FER: variants seen among roughly 807,000 people sequenced by gnomAD.
FER encodes FER tyrosine kinase, also known as tyrosine-protein kinase Fer.
In FER, 63 loss-of-function variants were observed where a neutral mutation model predicts 111.0. The ratio of observed to expected loss-of-function variants is 0.57; its 90% CI spans 0.46 to 0.70. FER has a LOEUF of 0.70. Ranked by LOEUF, FER falls within the 30% of genes least tolerant of loss-of-function variation. The pLI, the probability that FER is intolerant of heterozygous loss-of-function variation, is 0.00. For missense variants in FER, 914 were observed against 954.0 expected, an observed-to-expected ratio of 0.96 and a Z score of 0.55; for synonymous variants, 327 against 313.9, an observed-to-expected ratio of 1.04 and a Z score of -0.44.
chr5:109,140,443 TATG>T (rs1402694455), intron 17 of FER, among the ~76,000 whole-genome samples: 1 of 152,150 alleles, frequency 6.6e-6, no homozygotes, highest in Non-Finnish European at 1.5e-5. Context: ...TTTGTAAGAG[TATG>T]ATCAGTGGTG....
At chr5:109,102,405 T>G (rs542193980) in intron 17 of FER, among the ~76,000 whole-genome samples, 26 of 152,180 alleles carry the variant, frequency 1.7e-4, no homozygotes, top group African/African-American at 6.3e-4. Context: ...CAACTTTTAG[T>G]GAATGGTAGT....
chr5:108,933,330 A>G (rs1325320807), intron 10 of FER, among the ~76,000 whole-genome samples: 2 of 151,968 alleles, frequency 1.3e-5, no homozygotes, highest in Non-Finnish European at 2.9e-5. Flanking sequence ...AGTTTTCCCA[A>G]CACTGTTTAT....
chr5:109,051,715 G>A (rs570190184), intron 16 of FER: 147 of 1,565,676 alleles, frequency 9.4e-5, no homozygotes, highest in South Asian at 3.7e-4. Context: ...GCCAGTGGTC[G>A]CATGGTAAGG....
At chr5:108,893,413 AT>A (rs949924786) in intron 9 of FER, among the ~76,000 whole-genome samples, 16 of 145,084 alleles carry the variant, frequency 1.1e-4, no homozygotes, top group East Asian at 4.0e-4. Context: ...TTTCTTCTTT[AT>A]TTTTTTTTTC....
intron 1 of FER, among the ~76,000 whole-genome samples, chr5:108,756,818 C>G (rs767112694): frequency 6.6e-6 from 1 of 151,978 alleles, no homozygotes; most frequent in African/African-American, 2.4e-5. Flanking sequence ...GTTCTTTTTT[C>G]TCCCCTCCTC....
At chr5:109,010,315 G>A (rs1026518890) in intron 13 of FER, among the ~76,000 whole-genome samples, 2 of 151,986 alleles carry the variant, frequency 1.3e-5, no homozygotes, top group Admixed American at 6.6e-5. Context: ...CCGCCACCAC[G>A]CCTGGCTAAT....
chr5:108,759,110 A>G (rs1008219154), intron 1 of FER, among the ~76,000 whole-genome samples: 2 of 152,222 alleles, frequency 1.3e-5, no homozygotes, highest in African/African-American at 4.8e-5. Flanking sequence ...GCAGTTGACC[A>G]GTATAATTAA....
At position 108,969,646 on chromosome 5, in the gene FER, A is replaced by C. The variant is rs1161601866; in HGVS notation, c.1656+10299A>C. Among the ~76,000 whole-genome samples, 6 of 137,364 alleles carry C rather than the reference A, an allele frequency of 4.4e-5. 1 individual carries two copies. Among genetic ancestry groups the C allele is most frequent in the African/African-American group, 1.8e-4 (5 of 27,576 alleles). The allele number at this position is 137,364 out of a possible 152,430, so 90.1% of individuals were successfully genotyped here. The stretch of plus-strand genomic sequence containing the variant: ...ACTGTGAATGTATTACCTATTCAAA[A>C]GGTAAGATTAAGAAATATTGAAAAC... On this transcript the variant is annotated intron_variant, in intron 13 of 19. Coordinates refer to ENST00000281092, the MANE Select transcript of FER (RefSeq NM_005246.4).
chr5:108,762,050 A>G (rs1339060910), intron 1 of FER, among the ~76,000 whole-genome samples: 1 of 152,118 alleles, frequency 6.6e-6, no homozygotes, highest in Non-Finnish European at 1.5e-5. Context: ...AGCTGGGACT[A>G]TAGGTGTGTG....
At chr5:109,080,041 A>AC (rs1776808655) in intron 16 of FER, among the ~76,000 whole-genome samples, 2 of 152,064 alleles carry the variant, frequency 1.3e-5, no homozygotes, top group South Asian at 4.2e-4. Context: ...TGATAAATAC[A>AC]TTTTTCCTCC....
At chr5:109,170,058 G>T (rs184436839) in intron 17 of FER, among the ~76,000 whole-genome samples, 2 of 152,230 alleles carry the variant, frequency 1.3e-5, no homozygotes, top group Admixed American at 1.3e-4. Flanking sequence ...GGCACCTTGT[G>T]CATCACAGAT....
intron 10 of FER, among the ~76,000 whole-genome samples, chr5:108,909,609 G>C (rs1751273448): frequency 6.6e-6 from 1 of 152,036 alleles, no homozygotes; most frequent in Non-Finnish European, 1.5e-5. Flanking sequence ...AACAAATTCA[G>C]ATGTTTAAAT....
At chr5:109,106,212 G>A (rs1437393130) in intron 17 of FER, among the ~76,000 whole-genome samples, 1 of 152,206 alleles carries the variant, frequency 6.6e-6, no homozygotes, top group African/African-American at 2.4e-5. Flanking sequence ...TAATGATCAT[G>A]AGCAAAAACA....
At chr5:108,992,328 A>C (rs112449257) in intron 13 of FER, among the ~76,000 whole-genome samples, 109 of 151,814 alleles carry the variant, frequency 7.2e-4, no homozygotes, top group East Asian at 1.4e-3. Context: ...CCCCACCTTT[A>C]CCCCCTTTCT....
chr5:108,792,881 A>G (rs1326696942), intron 2 of FER, among the ~76,000 whole-genome samples: 1 of 151,946 alleles, frequency 6.6e-6, no homozygotes, highest in African/African-American at 2.4e-5. Context: ...TTTATATTTT[A>G]AATTTTGTGG....
intron 10 of FER, among the ~76,000 whole-genome samples, chr5:108,929,034 A>G (rs1378381036): frequency 6.6e-6 from 1 of 152,134 alleles, no homozygotes; most frequent in African/African-American, 2.4e-5. Context: ...AACATTGAAT[A>G]TATGATAAAA....
At chr5:109,097,345 A>T (rs945170080) in intron 16 of FER, among the ~76,000 whole-genome samples, 4 of 151,944 alleles carry the variant, frequency 2.6e-5, no homozygotes, top group Non-Finnish European at 1.5e-5. Flanking sequence ...TTTTGGTTTA[A>T]TGTGCAACAT....
At chr5:108,804,441 C>T (rs956148444) in intron 3 of FER, among the ~76,000 whole-genome samples, 20 of 152,070 alleles carry the variant, frequency 1.3e-4, no homozygotes, top group Admixed American at 6.5e-4. Context: ...AAGCATTTGC[C>T]GTTCAGTATG....
chr5:109,087,466 AGTTT>A (rs1414589009), intron 16 of FER, among the ~76,000 whole-genome samples: 2 of 151,698 alleles, frequency 1.3e-5, no homozygotes, highest in Admixed American at 6.6e-5. Flanking sequence ...ATTGAGAAAA[AGTTT>A]GTTTAAATAT....
Sources: gnomAD v4.1 joint callset for allele counts (sites outside exome capture counted in the v4.1 genomes callset) on GRCh38, gnomAD v4.1.1 for gene constraint, MANE v1.5 for transcripts, NCBI Gene and HGNC (gene_info 2026-07-23, HGNC 2026-07-21) for gene names.